ASPG: variants seen among roughly 807,000 people sequenced by gnomAD.
ASPG encodes the protein asparaginase.
Under a neutral mutation model 63.2 loss-of-function variants are expected in ASPG, and 53 were observed. The ratio of observed to expected loss-of-function variants is 0.84; its 90% CI spans 0.67 to 1.05. ASPG has a LOEUF of 1.05. ASPG is among the 50% of genes least tolerant of loss of function. The probability of loss-of-function intolerance (pLI) is 0.00; values close to 1 mark genes in which losing one functional copy is unlikely to be tolerated. For synonymous variants in ASPG, 370 were observed against 355.0 expected, an observed-to-expected ratio of 1.04 and a Z score of -0.48; for missense variants, 741 against 794.4, an observed-to-expected ratio of 0.93 and a Z score of 0.81.
Position 104,109,457 on chromosome 14 carries a change from A to C in ASPG, c.1520+142A>C. The C allele has an allele frequency of 1.1e-6, 1 of 892,740 alleles. No homozygotes were observed. The highest frequency in any genetic ancestry group is 1.7e-6 in the Non-Finnish European group (1 of 597,750). The allele number at this position is 892,740 out of a possible 1,614,324, so 55.3% of individuals were successfully genotyped here. On this transcript the variant is annotated intron_variant, in intron 13 of 15. Transcript: ENST00000551177. This position sits in a 1 kb window ranked among gnomAD's most constrained non-coding sequence, Gnocchi z 4.8. ...AGGCCCGCTGACCTCAGTGTGCACC[A>C]ACCTGGCTGATGGGAAGAGGTGTCT... is the stretch of plus-strand genomic sequence containing the variant.
chr14:104,104,440 C>T lies in ASPG; in HGVS notation c.890C>T (p.Thr297Ile). ...TERGLVIVNC[T>I]HCLQGAVTTD... Reference sequence around the variant, plus strand: ...CGCGGCCTGGTCATCGTCAACTGTACCCACTGCCTCCAGGGGGCTGTGACC... The same window carrying T: ...CGCGGCCTGGTCATCGTCAACTGTATCCACTGCCTCCAGGGGGCTGTGACC... The change falls in exon 8 of 16, where the codon ACC becomes ATC. Residue 297 changes from threonine to isoleucine, a missense_variant. Transcript: ENST00000551177. 1.2e-6 allele frequency: 2 copies of T among 1,612,568 alleles called. No homozygotes were observed. Among genetic ancestry groups the T allele is most frequent in the South Asian group, 1.1e-5 (1 of 91,072 alleles).
chr14:104,105,184 C>A, intron 9 of ASPG, 144 bp from the exon 10 acceptor site: 1 of 1,331,426 alleles, frequency 7.5e-7, no homozygotes, highest in South Asian at 1.3e-5. Context: ...CCAGCCCGCT[C>A]TGGCCCGAGG....
In ASPG at chr14:104,104,381, C is replaced by T. The variant is rs780321919; in HGVS notation, c.831C>T (p.Pro277=). 7 of 1,612,530 alleles carry T rather than the reference C, an allele frequency of 4.3e-6. No individual in the cohort carries two copies. In the East Asian group the frequency reaches 6.7e-5, roughly 15 times the overall value. ...TFGSGNGPTK[P]DLLQELRVAT... ...GTTCAGGGAACGGACCCACCAAGCC[C>T]GACCTGCTGCAGGAGCTGCGGGTGG... Residue 277 remains proline, a synonymous_variant, in exon 8 of 16, where the codon CCC becomes CCT. Coordinates refer to ENST00000551177, the MANE Select transcript of ASPG (RefSeq NM_001080464.3).
rs762831942 is a variant in ASPG, at chr14:104,095,566, C to T, written c.339C>T (p.Ile113=). 1 of 1,613,176 alleles carries T rather than the reference C, an allele frequency of 6.2e-7. No homozygotes were observed. Among genetic ancestry groups the T allele is most frequent in the Non-Finnish European group, 8.5e-7 (1 of 1,179,788 alleles). The stretch of plus-strand genomic sequence containing the variant: ...AGCAGTACCACGGCTTTGTGGTCAT[C>T]CACGGCACCGACACCATGGCCTTTG... ...HYEQYHGFVV[I]HGTDTMAFAA... is the part of the protein sequence containing the mutation. Residue 113 remains isoleucine (I), a synonymous_variant, in exon 4 of 16, where the codon ATC becomes ATT. Transcript: ENST00000551177.
chr14:104,099,562 A>G (rs146787700), intron 6 of ASPG, among the ~76,000 whole-genome samples: 69 of 152,258 alleles, frequency 4.5e-4, no homozygotes, highest in African/African-American at 1.6e-3. Context: ...GCCTGCCCGG[A>G]AGTCACTCCC....
Position 104,104,294 on chromosome 14 carries a change from C to G in ASPG, c.754-10C>G, listed in dbSNP as rs781082712. The G allele has an allele frequency of 6.2e-7, 1 of 1,606,936 alleles. No homozygotes were observed. Among genetic ancestry groups the G allele is most frequent in the Non-Finnish European group, 8.5e-7 (1 of 1,176,066 alleles). On this transcript the variant is annotated splice_polypyrimidine_tract_variant and intron_variant, in intron 7 of 15. Coordinates refer to ENST00000551177, the MANE Select transcript of ASPG (RefSeq NM_001080464.3). ...CCTCACCATCCAGCCCCCACCCCAC[C>G]GCCCCACAGGTTCGGGCCTTCTTGC...
chr14:104,109,143 GGA>G lies in ASPG; in HGVS notation c.1434-85_1434-84del. The G allele has an allele frequency of 6.4e-7, 1 of 1,564,922 alleles. No individual in the cohort carries two copies. ...CGGCCGGTCCCCGTCCCTGTGCACA[GGA>G]CATGAGCTCTGCTGGCTCCTGAGTG... On this transcript the variant is annotated intron_variant, in intron 12 of 15. Transcript: ENST00000551177. This position sits in a 1 kb window ranked among gnomAD's most constrained non-coding sequence, Gnocchi z 4.8.
rs1771009 is a variant in ASPG, at chr14:104,112,907, A to C, written c.*363A>C. The C allele has an allele frequency of 0.97, 317,621 of 326,272 alleles. 155,187 individuals are homozygous for C. The highest frequency in any genetic ancestry group is 1 in the East Asian group (13,580 of 13,580). The allele number at this position is 326,272 out of a possible 1,614,324, so 20.2% of individuals were successfully genotyped here. A position where few individuals can be genotyped will look rare whatever the true frequency, so the allele number is the denominator to read the frequency against. On this transcript the variant is annotated 3_prime_UTR_variant, in exon 16 of 16. Coordinates refer to ENST00000551177, the MANE Select transcript of ASPG (RefSeq NM_001080464.3). ...GCCAAGTGGTCCTTTCCCAGCTGCCACTCCCCCTTCCTGCCACCCTGCCTT... is the reference window on the plus strand; with the variant it reads ...GCCAAGTGGTCCTTTCCCAGCTGCCCCTCCCCCTTCCTGCCACCCTGCCTT...
At chr14:104,100,461 G>A (rs900485030) in intron 6 of ASPG, among the ~76,000 whole-genome samples, 2 of 152,218 alleles carry the variant, frequency 1.3e-5, no homozygotes, top group African/African-American at 4.8e-5. Flanking sequence ...TGGTTCTACA[G>A]GTGAGAAACG....
At chr14:104,105,249 G>C (rs1467670375) in intron 9 of ASPG, 79 bp from the exon 10 acceptor site, 2 of 1,607,414 alleles carry the variant, frequency 1.2e-6, no homozygotes, top group Non-Finnish European at 1.7e-6. Flanking sequence ...ACTGTGCCCG[G>C]GTAGCCCGAC....
At chr14:104,094,488 C>A (rs2036508235) in intron 3 of ASPG, among the ~76,000 whole-genome samples, 1 of 152,200 alleles carries the variant, frequency 6.6e-6, no homozygotes, top group Non-Finnish European at 1.5e-5. Context: ...CCTTCTCCCC[C>A]ATCACAACAC....
rs138852139 is a variant in ASPG, at chr14:104,107,855, C to T, written c.1433+510C>T. Among the ~76,000 whole-genome samples, 414 of 152,308 alleles carry T rather than the reference C, an allele frequency of 2.7e-3. 1 individual carries two copies. Among genetic ancestry groups the T allele is most frequent in the Middle Eastern group, 0.014 (4 of 294 alleles). On this transcript the variant is annotated intron_variant, in intron 12 of 15. Transcript: ENST00000551177. ...GCCAGCACTGGTGGGATCTGCGTCCCGTCTCCCCTTCCTACTCTTTATTGC... is the reference window on the plus strand; with the variant it reads ...GCCAGCACTGGTGGGATCTGCGTCCTGTCTCCCCTTCCTACTCTTTATTGC...
chr14:104,104,165 G>A (rs939585092), intron 7 of ASPG, 139 bp from the exon 8 acceptor site: 1 of 959,816 alleles, frequency 1.0e-6, no homozygotes, highest in Non-Finnish European at 1.5e-6. Context: ...TCTGCCAGGA[G>A]CCCCACTGTC....
At position 104,105,257 on chromosome 14, in the gene ASPG, G is replaced by A. The variant is rs144494947; in HGVS notation, c.1051-71G>A. On this transcript the variant is annotated intron_variant, in intron 9 of 15. Coordinates refer to ENST00000551177, the MANE Select transcript of ASPG (RefSeq NM_001080464.3). The stretch of plus-strand genomic sequence containing the variant: ...ACCCCTGACTGTGCCCGGGTAGCCC[G>A]ACCCTCCAGGCTGTCCTGGGCTGCC... The A allele has an allele frequency of 9.3e-5, 150 of 1,610,648 alleles. No homozygotes were observed. In the African/African-American group the frequency reaches 1.5e-3, roughly 16 times the overall value.
In ASPG at chr14:104,106,958, G is replaced by A. The variant is rs1332257048; in HGVS notation, c.1269+64G>A. ...GCCTGGCCTGGGGGCTCTGAACCCT[G>A]TAGGCAGGACGGCCTTTCATCCACC... On this transcript the variant is annotated intron_variant, in intron 11 of 15. Transcript: ENST00000551177. 5.4e-6 allele frequency: 8 copies of A among 1,483,042 alleles called. No individual in the cohort carries two copies. In the East Asian group the frequency reaches 2.0e-4, roughly 37 times the overall value. 91.9% of individuals were successfully genotyped at this position (1,483,042 alleles called of 1,614,324 possible). A position where few individuals can be genotyped will look rare whatever the true frequency, so the allele number is the denominator to read the frequency against.
In ASPG at chr14:104,109,168, G is replaced by A; in HGVS notation, c.1434-61G>A. ...GGACATGAGCTCTGCTGGCTCCTGA[G>A]TGAGGTGCAGCGGGGCTGGGCTGGC... On this transcript the variant is annotated intron_variant, in intron 12 of 15. Transcript: ENST00000551177. This position sits in a 1 kb window ranked among gnomAD's most constrained non-coding sequence, Gnocchi z 4.8. The A allele has an allele frequency of 1.3e-6, 2 of 1,591,586 alleles. No homozygotes were observed. The highest frequency in any genetic ancestry group is 4.5e-5 in the East Asian group (2 of 44,014).
At chr14:104,105,190 C>A in intron 9 of ASPG, 138 bp from the exon 10 acceptor site, 1 of 1,376,726 alleles carries the variant, frequency 7.3e-7, no homozygotes, top group Non-Finnish European at 1.0e-6. Context: ...CGCTCTGGCC[C>A]GAGGGATGAA....
At chr14:104,095,478 C>T in intron 3 of ASPG, 53 bp from the exon 4 acceptor site, 1 of 1,608,556 alleles carries the variant, frequency 6.2e-7, no homozygotes. Context: ...TGCAACCTCC[C>T]CCACACCTGC....
Position 104,104,690 on chromosome 14 carries a change from G to C in ASPG, c.1005G>C (p.Ser335=). The part of the protein sequence containing the change: ...MTSEAALAKL[S]YVLGQPGLSL... ...CGGAGGCCGCCCTGGCCAAGCTATC[G>C]TATGTGCTGGGCCAGCCAGGGCTGA... The change falls in exon 9 of 16, where the codon TCG becomes TCC. Residue 335 remains serine, a synonymous_variant. Coordinates refer to ENST00000551177, the MANE Select transcript of ASPG (RefSeq NM_001080464.3). 1.9e-6 allele frequency: 3 copies of C among 1,611,176 alleles called. No homozygotes were observed. The highest frequency in any genetic ancestry group is 2.5e-6 in the Non-Finnish European group (3 of 1,178,872).
Sources: allele counts gnomAD v4.1 joint callset (sites outside exome capture counted in the v4.1 genomes callset), GRCh38; gene constraint gnomAD v4.1.1; non-coding constraint Gnocchi (gnomAD v3.1); transcripts MANE v1.5; gene names NCBI Gene and HGNC (gene_info 2026-07-23, HGNC 2026-07-21).